The following MYRIP variants were observed in gnomAD, a reference collection of about 807,000 sequenced individuals.
MYRIP encodes the protein myosin VIIA and Rab interacting protein.
A neutral mutation model predicts 98.0 loss-of-function variants in MYRIP; 49 were observed. The ratio of observed to expected loss-of-function variants is 0.50; its 90% CI spans 0.40 to 0.63. MYRIP has a LOEUF of 0.63. Ranked by LOEUF, MYRIP falls within the 30% of genes least tolerant of loss-of-function variation. The pLI, the probability that MYRIP is intolerant of heterozygous loss-of-function variation, is 0.00. For missense variants in MYRIP, 1,004 were observed against 1,058.2 expected, an observed-to-expected ratio of 0.95 and a Z score of 0.71; for synonymous variants, 404 against 409.5, an observed-to-expected ratio of 0.99 and a Z score of 0.16.
At chr3:39,826,505 G>T (rs1941271231) in intron 1 of MYRIP, among the ~76,000 whole-genome samples, 1 of 151,942 alleles carries the variant, frequency 6.6e-6, no homozygotes, top group African/African-American at 2.4e-5. Context: ...TTATTCCATT[G>T]TGGTCAGATA....
At chr3:39,957,072 G>C (rs1004615016) in intron 2 of MYRIP, among the ~76,000 whole-genome samples, 1 of 151,734 alleles carries the variant, frequency 6.6e-6, no homozygotes, top group Non-Finnish European at 1.5e-5. Flanking sequence ...AGGACCAGAT[G>C]GATTCACAGC....
chr3:40,148,007 G>A (rs1415646630), intron 3 of MYRIP, among the ~76,000 whole-genome samples: 2 of 152,174 alleles, frequency 1.3e-5, no homozygotes, highest in Non-Finnish European at 2.9e-5. Context: ...AATCTTACAT[G>A]TCTGAAAATG....
chr3:39,822,868 C>CTT (rs35751546), intron 1 of MYRIP, among the ~76,000 whole-genome samples: 11,324 of 146,756 alleles, frequency 0.077, 471 homozygotes, highest in African/African-American at 0.11. Context: ...GGATTTGATT[C>CTT]TTTTTTTTTT....
intron 3 of MYRIP, among the ~76,000 whole-genome samples, chr3:40,076,504 A>G (rs1162626995): frequency 6.6e-6 from 1 of 152,214 alleles, no homozygotes; most frequent in East Asian, 1.9e-4. Flanking sequence ...TTTACTCCAG[A>G]AGATTCTTGT....
intron 3 of MYRIP, among the ~76,000 whole-genome samples, chr3:40,127,515 A>G (rs1949547917): frequency 6.6e-6 from 1 of 152,224 alleles, no homozygotes; most frequent in South Asian, 2.1e-4. Flanking sequence ...AGATTCCTAC[A>G]TGAAATGAAG....
At chr3:39,917,955 G>C (rs925963244) in intron 2 of MYRIP, among the ~76,000 whole-genome samples, 2 of 146,052 alleles carry the variant, frequency 1.4e-5, no homozygotes, top group African/African-American at 5.0e-5. Flanking sequence ...ACGGAGTCTC[G>C]CTGCTCTGTC....
chr3:40,162,713 C>A lies in MYRIP; in HGVS notation c.470-17C>A. The A allele has an allele frequency of 1.2e-6, 2 of 1,610,780 alleles. No individual in the cohort carries two copies. The highest frequency in any genetic ancestry group is 1.7e-6 in the Non-Finnish European group (2 of 1,177,252). On this transcript the variant is annotated splice_polypyrimidine_tract_variant and intron_variant, in intron 4 of 16. Coordinates refer to ENST00000302541, the MANE Select transcript of MYRIP (RefSeq NM_015460.4). ...GATAATCATATTCATTCTCTTCTCCCACCCCTACCCTGCCAGGAGGAAGCC... is the reference window on the plus strand; with the variant it reads ...GATAATCATATTCATTCTCTTCTCCAACCCCTACCCTGCCAGGAGGAAGCC...
intron 3 of MYRIP, among the ~76,000 whole-genome samples, chr3:40,134,659 C>T (rs1420948314): frequency 6.6e-6 from 1 of 152,222 alleles, no homozygotes; most frequent in Non-Finnish European, 1.5e-5. Context: ...ATGCCTCACA[C>T]AGCCGGGTAC....
intron 3 of MYRIP, among the ~76,000 whole-genome samples, chr3:40,126,088 A>G (rs1374498704): frequency 1.3e-5 from 2 of 152,224 alleles, no homozygotes; most frequent in Non-Finnish European, 2.9e-5. Flanking sequence ...TCCTCACAGC[A>G]TTGAATCAGT....
At chr3:39,938,477 A>T (rs1944706569) in intron 2 of MYRIP, among the ~76,000 whole-genome samples, 1 of 152,218 alleles carries the variant, frequency 6.6e-6, no homozygotes. Context: ...CATTTCTGCT[A>T]TGTATATACC....
At chr3:40,154,975 GTTT>G (rs1950192964) in intron 4 of MYRIP, among the ~76,000 whole-genome samples, 1 of 151,692 alleles carries the variant, frequency 6.6e-6, no homozygotes, top group Non-Finnish European at 1.5e-5. Flanking sequence ...ATCTAATTTT[GTTT>G]TTATTTTTAT....
chr3:40,149,968 G>A (rs1374170208), intron 3 of MYRIP, among the ~76,000 whole-genome samples: 1 of 152,130 alleles, frequency 6.6e-6, no homozygotes, highest in Non-Finnish European at 1.5e-5. Context: ...TCTAGAATGA[G>A]TGTGTATTAT....
intron 8 of MYRIP, among the ~76,000 whole-genome samples, chr3:40,176,433 A>C (rs1950759965): frequency 6.6e-6 from 1 of 152,164 alleles, no homozygotes; most frequent in Non-Finnish European, 1.5e-5. Context: ...ATAAAGAAGA[A>C]GACATGAACA....
intron 1 of MYRIP, among the ~76,000 whole-genome samples, chr3:39,866,286 C>T (rs1942620013): frequency 6.6e-6 from 1 of 152,064 alleles, no homozygotes; most frequent in Non-Finnish European, 1.5e-5. Context: ...GCCCATGACA[C>T]ATAATTTACC....
At chr3:40,166,782 C>A in intron 5 of MYRIP, 64 bp from the exon 6 acceptor site, 2 of 1,126,182 alleles carry the variant, frequency 1.8e-6, no homozygotes, top group Non-Finnish European at 2.7e-6. Flanking sequence ...AGCAGAAGAG[C>A]TTGAACAATC....
intron 8 of MYRIP, among the ~76,000 whole-genome samples, chr3:40,176,908 CAAA>C (rs143992737): frequency 4.6e-5 from 5 of 109,142 alleles, no homozygotes; most frequent in Admixed American, 9.9e-5. Context: ...AACTCCATCT[CAAA>C]AAAAAAAAAA....
intron 2 of MYRIP, among the ~76,000 whole-genome samples, chr3:39,942,148 A>T (rs1944800035): frequency 6.6e-6 from 1 of 152,066 alleles, no homozygotes; most frequent in South Asian, 2.1e-4. Context: ...AATGTTAGCA[A>T]CTCTGTGGGC....
At chr3:39,989,368 C>G (rs1363748838) in intron 2 of MYRIP, among the ~76,000 whole-genome samples, 1 of 152,166 alleles carries the variant, frequency 6.6e-6, no homozygotes, top group Admixed American at 6.5e-5. Flanking sequence ...AGATGTCACA[C>G]AAGGAGCCTG....
intron 1 of MYRIP, among the ~76,000 whole-genome samples, chr3:39,895,910 G>T (rs1428517496): frequency 9.3e-6 from 1 of 107,842 alleles, no homozygotes; most frequent in Non-Finnish European, 1.8e-5. Flanking sequence ...TCGTGTGTGT[G>T]TGTGTGGTGT....
Sources: allele counts gnomAD v4.1 joint callset (sites outside exome capture counted in the v4.1 genomes callset), GRCh38; gene constraint gnomAD v4.1.1; transcripts MANE v1.5; gene names NCBI Gene and HGNC (gene_info 2026-07-23, HGNC 2026-07-21).